Variants in PSD observed in about 807,000 individuals in gnomAD.
PSD encodes the protein PH and SEC7 domain-containing protein 1.
Under a neutral mutation model 91.6 loss-of-function variants are expected in PSD, and 32 were observed. That is an observed-to-expected ratio of 0.35 (90% CI 0.26 to 0.47). PSD has a LOEUF of 0.47. Among genes scored for constraint, PSD ranks in the 20% least tolerant of loss-of-function variants. The probability of loss-of-function intolerance (pLI) is 1.00; values close to 1 mark genes in which losing one functional copy is unlikely to be tolerated. For missense variants in PSD, 1,099 were observed against 1,373.9 expected (o/e 0.80, Z 3.16); for synonymous variants, 532 against 569.3 (o/e 0.93, Z 0.93).
At position 102,410,774 on chromosome 10, in the gene PSD, C is replaced by T. The variant is rs371566352; in HGVS notation, c.2091+84G>A. On this transcript the variant is annotated intron_variant, in intron 10 of 16. Coordinates refer to ENST00000020673, the MANE Select transcript of PSD (RefSeq NM_002779.5). The surrounding 1 kb of genome is among the most constrained non-coding windows in gnomAD (Gnocchi z 6.0). Reference sequence around the variant, plus strand: ...CGGGGGTCGGCAAGCCCCAGCCCTGCCCTCCCTCCGACTCTGGACTCCGTC... The same window carrying T: ...CGGGGGTCGGCAAGCCCCAGCCCTGTCCTCCCTCCGACTCTGGACTCCGTC... 2.1e-5 allele frequency: 22 copies of T among 1,060,486 alleles called. No homozygotes were observed. The African/African-American group carries it at 2.2e-4, about 10-fold the overall frequency. The allele number at this position is 1,060,486 out of a possible 1,614,324, so 65.7% of individuals were successfully genotyped here.
At position 102,403,375 on chromosome 10, in the gene PSD, C is replaced by G; in HGVS notation, c.2900G>C (p.Ser967Thr). The G allele has an allele frequency of 6.2e-7, 1 of 1,613,918 alleles. No individual in the cohort carries two copies. The highest frequency in any genetic ancestry group is 8.5e-7 in the Non-Finnish European group (1 of 1,180,022). The change falls in exon 17 of 17, where the codon AGT becomes ACT. Residue 967 changes from serine to threonine, a missense_variant. Ser to Thr is a moderately conservative substitution (Grantham distance 58). Coordinates refer to ENST00000020673, the MANE Select transcript of PSD (RefSeq NM_002779.5). This position sits in a 1 kb window ranked among gnomAD's most constrained non-coding sequence, Gnocchi z 6.7. Reference protein sequence around the residue: ...ALLRVKLKAGSEELDAVEAAL... With the variant: ...ALLRVKLKAGTEELDAVEAAL... ...TGCCTCCACTGCATCCAGCTCCTCA[C>G]TGCCTGCCTTCAGCTTGACCCGAAG...
chr10:102,405,630 T>C lies in PSD; in HGVS notation c.2136-94A>G, dbSNP rs2061352196. The C allele has an allele frequency of 2.4e-6, 3 of 1,239,614 alleles. No individual in the cohort carries two copies. Among genetic ancestry groups the C allele is most frequent in the Non-Finnish European group, 3.3e-6 (3 of 904,778 alleles). The allele number at this position is 1,239,614 out of a possible 1,614,324, so 76.8% of individuals were successfully genotyped here. A position where few individuals can be genotyped will look rare whatever the true frequency, so the allele number is the denominator to read the frequency against. On this transcript the variant is annotated intron_variant, in intron 11 of 16. Transcript: ENST00000020673. This position sits in a 1 kb window ranked among gnomAD's most constrained non-coding sequence, Gnocchi z 5.4. ...GCTCGCCCTGGAAAAGCTCCCCCAG[T>C]GTTTGTGGCTTGGGGGGCTCAACCT...
intron 7 of PSD, 39 bp downstream of exon 7, chr10:102,412,108 C>T (rs573699455): frequency 3.5e-5 from 56 of 1,598,142 alleles, no homozygotes; most frequent in South Asian, 3.1e-4. Context: ...ACACGAACCC[C>T]GGAGAGTGGG....
intron 1 of PSD, among the ~76,000 whole-genome samples, chr10:102,417,933 T>C (rs1364695808): frequency 6.6e-6 from 1 of 151,978 alleles, no homozygotes; most frequent in Non-Finnish European, 1.5e-5. Context: ...AGTTTCAAAC[T>C]CCTGACCTCA....
intron 11 of PSD, among the ~76,000 whole-genome samples, chr10:102,406,756 T>C (rs555998084): frequency 1.6e-4 from 25 of 152,318 alleles, no homozygotes; most frequent in South Asian, 4.1e-4. Context: ...CTGCCCGCCT[T>C]GGCCTCCCAA....
chr10:102,417,534 G>C (rs2061496029), intron 1 of PSD, among the ~76,000 whole-genome samples: 1 of 152,028 alleles, frequency 6.6e-6, no homozygotes, highest in Non-Finnish European at 1.5e-5. Context: ...TCTTATGGAG[G>C]CCCCTCACTC....
At chr10:102,415,294 T>C in intron 3 of PSD, 65 bp from the exon 4 acceptor site, 1 of 1,498,512 alleles carries the variant, frequency 6.7e-7, no homozygotes, top group Non-Finnish European at 8.9e-7. Flanking sequence ...CTAATTCTGC[T>C]CTAGGATCTC....
chr10:102,413,048 C>A (rs981549575), intron 5 of PSD, among the ~76,000 whole-genome samples: 3 of 152,172 alleles, frequency 2.0e-5, no homozygotes, highest in African/African-American at 7.2e-5. Context: ...AGAGGAACCT[C>A]TCCTTGGTGC....
chr10:102,418,394 T>C (rs903394062), intron 1 of PSD, among the ~76,000 whole-genome samples: 5 of 151,972 alleles, frequency 3.3e-5, no homozygotes, highest in African/African-American at 1.2e-4. Flanking sequence ...CACAGTCACA[T>C]ACACATACAG....
At chr10:102,408,463 T>G (rs2061387116) in intron 10 of PSD, among the ~76,000 whole-genome samples, 1 of 151,682 alleles carries the variant, frequency 6.6e-6, no homozygotes, top group African/African-American at 2.4e-5. Context: ...ACATAGACCT[T>G]CCAGCACACA....
chr10:102,418,824 CCCT>C, upstream of PSD: 2 of 416,984 alleles, frequency 4.8e-6, no homozygotes. Flanking sequence ...TCCCCCTACC[CCCT>C]ACGCGCCGCT....
chr10:102,403,391 T>C lies in PSD; in HGVS notation c.2884A>G (p.Lys962Glu), dbSNP rs376749403. ...AGCTCCTCACTGCCTGCCTTCAGCT[T>C]GACCCGAAGCAGCGCTGCATAGGTG... ...YSTYAALLRV[K>E]LKAGSEELDA... is the part of the protein sequence containing the mutation. Residue 962 changes from lysine to glutamate, a missense_variant, in exon 17 of 17, where the codon AAG becomes GAG. Around this residue, in one of 3 missense-constraint regions of PSD, gnomAD observed 358 missense variants for 426.5 expected, o/e 0.84. Transcript: ENST00000020673. The surrounding 1 kb of genome is among the most constrained non-coding windows in gnomAD (Gnocchi z 6.7). 5.6e-6 allele frequency: 9 copies of C among 1,613,354 alleles called. No homozygotes were observed. The highest frequency in any genetic ancestry group is 6.8e-6 in the Non-Finnish European group (8 of 1,179,984).
At chr10:102,418,646 G>T (rs767161903) in intron 1 of PSD, 55 bp downstream of exon 1, 26 of 447,188 alleles carry the variant, frequency 5.8e-5, no homozygotes, top group Admixed American at 1.7e-4. Flanking sequence ...GAAGCTCAAC[G>T]GGGTCCCAGC....
rs1421055360 is a variant in PSD, at chr10:102,414,620, G to A, written c.1124+243C>T. ...TGCTCCTGTGTTCCTGGGCTTGACT[G>A]TGGCCTCTGGCCTCTCACCCTGCCC... On this transcript the variant is annotated intron_variant, in intron 4 of 16. Coordinates refer to ENST00000020673, the MANE Select transcript of PSD (RefSeq NM_002779.5). The surrounding 1 kb of genome is among the most constrained non-coding windows in gnomAD (Gnocchi z 5.6). Among the ~76,000 whole-genome samples the A allele has an allele frequency of 2.6e-5, 4 of 152,232 alleles. No homozygotes were observed. The highest frequency in any genetic ancestry group is 1.3e-4 in the Admixed American group (2 of 15,294).
chr10:102,412,474 T>C lies in PSD; in HGVS notation c.1655A>G (p.Lys552Arg). ...GCGCTGCGCAGCCTCCAGGTCCGCT[T>C]TCTGCCCATTGGACAAGGTGTCTGT... is the stretch of plus-strand genomic sequence containing the variant. ...GSTDTLSNGQ[K>R]ADLEAAQRLA... Residue 552 changes from lysine (K) to arginine (R), a missense_variant, in exon 6 of 17, where the codon AAA becomes AGA. This residue lies in a region of PSD where 110 missense variants were observed against 218.7 expected (regional missense o/e 0.50). Coordinates refer to ENST00000020673, the MANE Select transcript of PSD (RefSeq NM_002779.5). 6.2e-7 allele frequency: 1 copy of C among 1,614,134 alleles called. No individual in the cohort carries two copies. The highest frequency in any genetic ancestry group is 8.5e-7 in the Non-Finnish European group (1 of 1,180,042).
At chr10:102,411,956 G>A in intron 7 of PSD, 137 bp from the exon 8 acceptor site, 1 of 902,126 alleles carries the variant, frequency 1.1e-6, no homozygotes. Context: ...TATGCACCCT[G>A]ACCCTCCACC....
In PSD at chr10:102,410,811, C is replaced by G. The variant is rs2061417702; in HGVS notation, c.2091+47G>C. 11 of 1,392,356 alleles carry G rather than the reference C, an allele frequency of 7.9e-6. No individual in the cohort carries two copies. Among genetic ancestry groups the G allele is most frequent in the Non-Finnish European group, 1.1e-5 (11 of 981,164 alleles). The allele number at this position is 1,392,356 out of a possible 1,614,324, so 86.3% of individuals were successfully genotyped here. On this transcript the variant is annotated intron_variant, in intron 10 of 16. Transcript: ENST00000020673. This position sits in a 1 kb window ranked among gnomAD's most constrained non-coding sequence, Gnocchi z 6.0. ...CTCTGGACTCCGTCGCCGACTGGGT[C>G]CTCCATCCTTCCCCTCCAGCGACTT... is the stretch of plus-strand genomic sequence containing the variant.
In PSD at chr10:102,414,506, A is replaced by G. The variant is rs1378405877; in HGVS notation, c.1125-309T>C. 6.6e-6 allele frequency among the ~76,000 whole-genome samples: 1 copy of G among 151,934 alleles called. No individual in the cohort carries two copies. Among genetic ancestry groups the G allele is most frequent in the Non-Finnish European group, 1.5e-5 (1 of 67,978 alleles). The stretch of plus-strand genomic sequence containing the variant: ...ATTTCTAGCAACATCTTAGGAGAAG[A>G]TGAGGCTCCAAGCGACACTGGGGTG... On this transcript the variant is annotated intron_variant, in intron 4 of 16. Transcript: ENST00000020673. The surrounding 1 kb of genome is among the most constrained non-coding windows in gnomAD (Gnocchi z 5.6).
Position 102,410,145 on chromosome 10 carries a change from C to A in PSD, c.2091+713G>T, listed in dbSNP as rs566878406. The stretch of plus-strand genomic sequence containing the variant: ...TGGAGCAGAGACACCTTTGTCCTAG[C>A]CTGGGGGTTTCTTCAAGTGAGTCCA... On this transcript the variant is annotated intron_variant, in intron 10 of 16. Transcript: ENST00000020673. The surrounding 1 kb of genome is among the most constrained non-coding windows in gnomAD (Gnocchi z 6.0). Among the ~76,000 whole-genome samples, 1 of 152,310 alleles carries A rather than the reference C, an allele frequency of 6.6e-6. No individual in the cohort carries two copies. The highest frequency in any genetic ancestry group is 1.9e-4 in the East Asian group (1 of 5,184).
Sources: gnomAD v4.1 joint callset for allele counts (sites outside exome capture counted in the v4.1 genomes callset) on GRCh38, gnomAD v4.1.1 for gene constraint, gnomAD v4.1.1 regional missense constraint, Gnocchi (gnomAD v3.1) non-coding constraint, MANE v1.5 for transcripts, NCBI Gene and HGNC (gene_info 2026-07-23, HGNC 2026-07-21) for gene names.